RERE: variants seen among roughly 807,000 people sequenced by gnomAD.
RERE encodes arginine-glutamic acid dipeptide repeats protein.
A neutral mutation model predicts 146.1 loss-of-function variants in RERE; 40 were observed. The observed-to-expected ratio is 0.27, with a 90% CI of 0.21 to 0.36. The LOEUF (loss-of-function observed/expected upper bound fraction) is 0.36, where lower values mean the gene tolerates loss of function less well. RERE is among the 10% of genes least tolerant of loss of function. RERE has a pLI of 1.00. For missense variants in RERE, 1,933 were observed against 2,138.7 expected (o/e 0.90, Z 1.90); for synonymous variants, 1,003 against 866.0 (o/e 1.16, Z -2.78).
chr1:8,683,291 C>T (rs559107660), intron 1 of RERE, among the ~76,000 whole-genome samples: 9 of 152,078 alleles, frequency 5.9e-5, no homozygotes, highest in Non-Finnish European at 8.8e-5. Flanking sequence ...CCTTTTAATC[C>T]CACTCCTCCC....
At chr1:8,493,522 C>T (rs1645005033) in intron 10 of RERE, among the ~76,000 whole-genome samples, 1 of 152,170 alleles carries the variant, frequency 6.6e-6, no homozygotes, top group Non-Finnish European at 1.5e-5. Flanking sequence ...ACGCAGATAT[C>T]TACGTTTCCT....
At chr1:8,402,484 G>C (rs1643295669) in intron 12 of RERE, among the ~76,000 whole-genome samples, 1 of 152,166 alleles carries the variant, frequency 6.6e-6, no homozygotes, top group South Asian at 2.1e-4. Flanking sequence ...GAACAAAAAG[G>C]TTGGATGGGT....
chr1:8,780,371 G>C (rs1569781930), intron 1 of RERE, among the ~76,000 whole-genome samples: 1 of 152,248 alleles, frequency 6.6e-6, no homozygotes, highest in Admixed American at 6.5e-5. Context: ...ATGCAACCTG[G>C]AGCAGATCAA....
At chr1:8,456,038 A>G (rs1377313519) in intron 11 of RERE, among the ~76,000 whole-genome samples, 1 of 152,196 alleles carries the variant, frequency 6.6e-6, no homozygotes, top group Non-Finnish European at 1.5e-5. Flanking sequence ...CATCCTCCAG[A>G]CATTAAGAAT....
intron 1 of RERE, among the ~76,000 whole-genome samples, chr1:8,702,796 C>G (rs866423394): frequency 6.6e-6 from 1 of 152,016 alleles, no homozygotes. Context: ...GTTTTCTGTT[C>G]GATTTAATTA....
intron 1 of RERE, among the ~76,000 whole-genome samples, chr1:8,723,161 G>C (rs1033991316): frequency 6.6e-6 from 1 of 152,152 alleles, no homozygotes; most frequent in Non-Finnish European, 1.5e-5. Context: ...TCACCAAAAT[G>C]GGAGGGGGAG....
In RERE at chr1:8,710,143, G is replaced by A. The variant is rs139431496; in HGVS notation, c.-144-53702C>T. ...ATTCCAAAATTTGATTTTTCCAGCT[G>A]AGCTTGCTTCTTAGCAAGAGGCCCA... On this transcript the variant is annotated intron_variant, in intron 1 of 22. Transcript: ENST00000400908. Among the ~76,000 whole-genome samples the A allele has an allele frequency of 9.4e-4, 143 of 152,248 alleles. 1 individual carries two copies. The highest frequency in any genetic ancestry group is 3.5e-3 in the Admixed American group (54 of 15,296).
At chr1:8,816,671 T>G (rs763376063) in intron 1 of RERE, among the ~76,000 whole-genome samples, 15 of 152,176 alleles carry the variant, frequency 9.9e-5, no homozygotes, top group African/African-American at 3.1e-4. Context: ...CTGCTGCAAG[T>G]GACTTTGGGT....
chr1:8,594,325 A>G (rs918395203), intron 4 of RERE, among the ~76,000 whole-genome samples: 1 of 152,224 alleles, frequency 6.6e-6, no homozygotes, highest in African/African-American at 2.4e-5. Flanking sequence ...ACGACTGTAC[A>G]TAAAATACGC....
At chr1:8,386,012 ATATATATATATTTTTTTTTTTTTT>A (rs1459134112) in intron 12 of RERE, among the ~76,000 whole-genome samples, 2 of 44,756 alleles carry the variant, frequency 4.5e-5, no homozygotes, top group African/African-American at 1.9e-4. Flanking sequence ...ATATATATAT[ATATATATATATTTTTTTTTTTTTT>A]TTTTTTTTTT....
At chr1:8,670,156 GCTCT>G (rs1638680838) in intron 1 of RERE, among the ~76,000 whole-genome samples, 1 of 152,074 alleles carries the variant, frequency 6.6e-6, no homozygotes, top group Admixed American at 6.6e-5. Context: ...TATTAACCCT[GCTCT>G]CTCTGTTAAC....
chr1:8,732,729 T>C (rs1056802057), intron 1 of RERE, among the ~76,000 whole-genome samples: 3 of 151,076 alleles, frequency 2.0e-5, no homozygotes, highest in Admixed American at 6.6e-5. Context: ...ATGTTAATAA[T>C]AGGGGGAACT....
chr1:8,707,645 T>C (rs2124450781), intron 1 of RERE, among the ~76,000 whole-genome samples: 1 of 152,338 alleles, frequency 6.6e-6, no homozygotes, highest in East Asian at 1.9e-4. Context: ...CCTATAGCAT[T>C]ATCCAGTACA....
intron 1 of RERE, among the ~76,000 whole-genome samples, chr1:8,708,061 T>A (rs553091580): frequency 6.6e-5 from 10 of 152,290 alleles, no homozygotes; most frequent in Middle Eastern, 3.4e-3. Flanking sequence ...TTATCCAGTT[T>A]CAGGAACCCA....
chr1:8,708,879 T>G (rs1401229804), intron 1 of RERE, among the ~76,000 whole-genome samples: 1 of 150,414 alleles, frequency 6.6e-6, no homozygotes, highest in African/African-American at 2.5e-5. Context: ...CTCACCAAAA[T>G]GTCACTAGAC....
chr1:8,776,167 A>G (rs1443280149), intron 1 of RERE, among the ~76,000 whole-genome samples: 3 of 152,216 alleles, frequency 2.0e-5, no homozygotes, highest in Non-Finnish European at 2.9e-5. Flanking sequence ...CACAGTAATC[A>G]TTCTTCCTAT....
intron 1 of RERE, among the ~76,000 whole-genome samples, chr1:8,770,831 A>T (rs1640933856): frequency 6.6e-6 from 1 of 152,252 alleles, no homozygotes; most frequent in Non-Finnish European, 1.5e-5. Flanking sequence ...ATTGACAAGG[A>T]TGTTAACTGC....
chr1:8,713,863 T>G (rs527570097), intron 1 of RERE, among the ~76,000 whole-genome samples: 21 of 152,322 alleles, frequency 1.4e-4, no homozygotes, highest in African/African-American at 5.1e-4. Context: ...TTCCATTCTT[T>G]ATACTTAGCT....
At position 8,479,179 on chromosome 1, in the gene RERE, G is replaced by GT. The variant is rs201731835; in HGVS notation, c.1105-13157dup. On this transcript the variant is annotated intron_variant, in intron 10 of 22. Coordinates refer to ENST00000400908, the MANE Select transcript of RERE (RefSeq NM_001042681.2). Reference sequence around the variant, plus strand: ...GCAAGAGGACTTCTTGAGGCCAAGAGTTTGAGACCAGCCTGGACAACACAG... The same window carrying GT: ...GCAAGAGGACTTCTTGAGGCCAAGAGTTTTGAGACCAGCCTGGACAACACAG... Among the ~76,000 whole-genome samples the GT allele has an allele frequency of 8.5e-3, 1,298 of 152,150 alleles. 20 individuals are homozygous for GT. The highest frequency in any genetic ancestry group is 0.029 in the African/African-American group (1,221 of 41,494).
Sources: allele counts gnomAD v4.1 joint callset (sites outside exome capture counted in the v4.1 genomes callset), GRCh38; gene constraint gnomAD v4.1.1; transcripts MANE v1.5; gene names NCBI Gene and HGNC (gene_info 2026-07-23, HGNC 2026-07-21).